Variants in GON4L observed in about 807,000 individuals in gnomAD.
GON4L encodes the protein gon-4 like, also known as GON-4-like protein.
A neutral mutation model predicts 211.8 loss-of-function variants in GON4L; 87 were observed. The ratio of observed to expected loss-of-function variants is 0.41; its 90% CI spans 0.35 to 0.49. The LOEUF (loss-of-function observed/expected upper bound fraction) is 0.49. Ranked by LOEUF, GON4L falls within the 20% of genes least tolerant of loss-of-function variation. The pLI, the probability that GON4L is intolerant of heterozygous loss-of-function variation, is 0.15. For synonymous variants in GON4L, 875 were observed against 962.6 expected, an observed-to-expected ratio of 0.91 and a Z score of 1.68; for missense variants, 2,155 against 2,659.5, an observed-to-expected ratio of 0.81 and a Z score of 4.17.
Position 155,751,756 on chromosome 1 carries a change from C to G in GON4L, c.6576+11G>C. On this transcript the variant is annotated intron_variant, in intron 31 of 31. Coordinates refer to ENST00000368331, the MANE Select transcript of GON4L (RefSeq NM_001282860.2). ...TCTTTTTGCCAGGTCTTCACCCCAA[C>G]CCGCACCTACCTCAGCAGGGGTCTT... The G allele has an allele frequency of 6.3e-7, 1 of 1,591,114 alleles. No homozygotes were observed. Among genetic ancestry groups the G allele is most frequent in the Non-Finnish European group, 8.6e-7 (1 of 1,161,524 alleles).
intron 14 of GON4L, among the ~76,000 whole-genome samples, chr1:155,779,203 G>A (rs1430187714): frequency 1.4e-5 from 2 of 139,682 alleles, no homozygotes; most frequent in African/African-American, 5.4e-5. Context: ...GCAGTGAGCC[G>A]AGATCCCGCC....
rs879785109 is a variant in GON4L, at chr1:155,831,586, G to C, written c.506-4558C>G. ...GAAGCAGCAGGATCATTTAAGGCCA[G>C]GAATTGTAGGTTGCAGTGAATTATG... On this transcript the variant is annotated intron_variant, in intron 2 of 31. Transcript: ENST00000368331. The C allele has an allele frequency of 2.0e-5, 3 of 151,970 alleles. No individual in the cohort carries two copies. The East Asian group carries it at 5.8e-4, about 29-fold the overall frequency. The allele number at this position is 151,970 out of a possible 1,614,324, so 9.4% of individuals were successfully genotyped here.
chr1:155,779,787 G>GA (rs1664228865), intron 14 of GON4L, among the ~76,000 whole-genome samples: 1 of 151,640 alleles, frequency 6.6e-6, no homozygotes, highest in Admixed American at 6.6e-5. Context: ...CTTAGAAGAG[G>GA]AATTTATTTA....
At chr1:155,837,778 A>G (rs1670443573) in intron 2 of GON4L, among the ~76,000 whole-genome samples, 1 of 152,160 alleles carries the variant, frequency 6.6e-6, no homozygotes, top group Non-Finnish European at 1.5e-5. Context: ...TTTAAAATTA[A>G]AACTGTTATG....
intron 27 of GON4L, among the ~76,000 whole-genome samples, chr1:155,755,888 G>A (rs1469566725): frequency 5.3e-5 from 8 of 151,644 alleles, no homozygotes; most frequent in Non-Finnish European, 7.4e-5. Flanking sequence ...AACAAAGAGA[G>A]GTTAAATACG....
chr1:155,757,235 G>C lies in GON4L; in HGVS notation c.5342C>G (p.Ala1781Gly). The C allele has an allele frequency of 6.2e-7, 1 of 1,613,908 alleles. No homozygotes were observed. The highest frequency in any genetic ancestry group is 1.7e-5 in the Admixed American group (1 of 60,004). ...CTCTTCAAAGTCACCCATCCGGCTA[G>C]CTGCTGGGCGCAAGTGGTCAAAGAA... ...SIFFDHLRPA[A>G]SRMGDFEEIN... is the part of the protein sequence containing the mutation. Residue 1781 changes from alanine to glycine, a missense_variant, in exon 26 of 32, where the codon GCT (alanine) becomes GGT (glycine). Ala to Gly is a moderately conservative substitution (Grantham distance 60). Transcript: ENST00000368331.
At chr1:155,771,037 G>T in intron 19 of GON4L, 30 bp downstream of exon 19, 2 of 1,613,996 alleles carry the variant, frequency 1.2e-6, no homozygotes, top group Non-Finnish European at 1.7e-6. Context: ...TTGGTGAGGT[G>T]CCCGGATGGC....
intron 12 of GON4L, among the ~76,000 whole-genome samples, chr1:155,790,393 C>T (rs1480952779): frequency 2.0e-5 from 3 of 151,848 alleles, no homozygotes; most frequent in Non-Finnish European, 2.9e-5. Flanking sequence ...CCACCATGCC[C>T]GGCTGCACCC....
At chr1:155,824,762 CAAA>C (rs58791710) in intron 3 of GON4L, among the ~76,000 whole-genome samples, 6 of 52,066 alleles carry the variant, frequency 1.2e-4, no homozygotes, top group Non-Finnish European at 2.1e-4. Flanking sequence ...GACTCTGTCG[CAAA>C]AAAAAAAAAA....
rs939664445 is a variant in GON4L, at chr1:155,757,283, T to C, written c.5294A>G (p.His1765Arg). ...GAAGATAGAAAACTCATCCTGCAGG[T>C]GGTCGTGGCCCTTGAGGAGCTGCCA... ...QMWQLLKGHD[H>R]LQDEFSIFFD... The change falls in exon 26 of 32, where the codon CAC becomes CGC. Residue 1765 changes from histidine to arginine, a missense_variant. By Grantham distance (29) the His-to-Arg change is conservative (BLOSUM62 0). Around this residue, in one of 6 missense-constraint regions of GON4L, gnomAD observed 455 missense variants for 504.6 expected, o/e 0.90. Coordinates refer to ENST00000368331, the MANE Select transcript of GON4L (RefSeq NM_001282860.2). 1 of 1,612,452 alleles carries C rather than the reference T, an allele frequency of 6.2e-7. No homozygotes were observed. Among genetic ancestry groups the C allele is most frequent in the Non-Finnish European group, 8.5e-7 (1 of 1,178,782 alleles).
At chr1:155,815,714 T>C in intron 8 of GON4L, 91 bp downstream of exon 8, 3 of 781,852 alleles carry the variant, frequency 3.8e-6, no homozygotes, top group South Asian at 2.8e-5. Context: ...AAAAGAACCA[T>C]GTCTCAATCC....
At chr1:155,805,900 C>T (rs1469290462) in intron 10 of GON4L, among the ~76,000 whole-genome samples, 1 of 151,464 alleles carries the variant, frequency 6.6e-6, no homozygotes, top group Admixed American at 6.6e-5. Context: ...ATGTTGGGCA[C>T]GCTGGTCTCG....
Position 155,774,997 on chromosome 1 carries a change from C to T in GON4L, c.2350+5G>A. The T allele has an allele frequency of 6.2e-7, 1 of 1,607,332 alleles. No homozygotes were observed. Among genetic ancestry groups the T allele is most frequent in the Non-Finnish European group, 8.5e-7 (1 of 1,174,656 alleles). ...AAACTTAAAGCTGACACATCTGTCT[C>T]CTACCAGTCTTCTTGACAGTTTTAT... is the stretch of plus-strand genomic sequence containing the variant. On this transcript the variant is annotated splice_donor_5th_base_variant and intron_variant, in intron 17 of 31. Transcript: ENST00000368331.
At chr1:155,794,565 T>C (rs1665901961) in intron 12 of GON4L, among the ~76,000 whole-genome samples, 1 of 152,202 alleles carries the variant, frequency 6.6e-6, no homozygotes, top group Admixed American at 6.5e-5. Context: ...TCTGTCCCTA[T>C]TCACCAAATT....
At chr1:155,821,992 T>C (rs1668780371) in intron 4 of GON4L, among the ~76,000 whole-genome samples, 1 of 152,196 alleles carries the variant, frequency 6.6e-6, no homozygotes. Context: ...ACTATGAACA[T>C]TATCAACATT....
chr1:155,748,037 G>A (rs1660304143), downstream of GON4L: 2 of 1,607,512 alleles, frequency 1.2e-6, no homozygotes, highest in Non-Finnish European at 8.5e-7. Flanking sequence ...GCACCTGACT[G>A]CTCACAGCTC....
At chr1:155,831,120 G>A (rs1167239626) in intron 2 of GON4L, among the ~76,000 whole-genome samples, 2 of 152,138 alleles carry the variant, frequency 1.3e-5, no homozygotes, top group East Asian at 1.9e-4. Flanking sequence ...TTAATGTGGT[G>A]AAACGCTATC....
intron 1 of GON4L, among the ~76,000 whole-genome samples, chr1:155,856,361 A>G (rs1672279528): frequency 6.6e-6 from 1 of 151,422 alleles, no homozygotes; most frequent in Non-Finnish European, 1.5e-5. Flanking sequence ...CCGAGTAGCT[A>G]GGACTACAAG....
In GON4L at chr1:155,808,290, C is replaced by T. The variant is rs180834821; in HGVS notation, c.1453-3149G>A. Among the ~76,000 whole-genome samples the T allele has an allele frequency of 3.3e-3, 506 of 152,228 alleles. 3 individuals carry two copies. The highest frequency in any genetic ancestry group is 5.3e-3 in the Non-Finnish European group (363 of 68,014). On this transcript the variant is annotated intron_variant, in intron 10 of 31. Coordinates refer to ENST00000368331, the MANE Select transcript of GON4L (RefSeq NM_001282860.2). ...CTGACCTCAGGTGATCCACCCGCCTCGGCCTCCCAAAGTGCTGGGATTACA... is the reference window on the plus strand; with the variant it reads ...CTGACCTCAGGTGATCCACCCGCCTTGGCCTCCCAAAGTGCTGGGATTACA...
Sources: gnomAD v4.1 joint callset for allele counts (sites outside exome capture counted in the v4.1 genomes callset) on GRCh38, gnomAD v4.1.1 for gene constraint, gnomAD v4.1.1 regional missense constraint, MANE v1.5 for transcripts, NCBI Gene and HGNC (gene_info 2026-07-23, HGNC 2026-07-21) for gene names.